Variants in LHFPL3 observed in about 807,000 individuals in gnomAD.
LHFPL3 encodes the protein LHFPL tetraspan subfamily member 3.
Under a neutral mutation model 19.3 loss-of-function variants are expected in LHFPL3, and 5 were observed. That is an observed-to-expected ratio of 0.26 (90% CI 0.14 to 0.54). The LOEUF (loss-of-function observed/expected upper bound fraction) is 0.54, where lower values mean the gene tolerates loss of function less well. LHFPL3 is among the 20% of genes least tolerant of loss of function. LHFPL3 has a pLI of 0.94. For missense variants in LHFPL3, 249 were observed against 307.4 expected, an observed-to-expected ratio of 0.81 and a Z score of 1.42; for synonymous variants, 133 against 126.2, an observed-to-expected ratio of 1.05 and a Z score of -0.36.
At chr7:104,634,896 A>C (rs1262785230) in intron 1 of LHFPL3, among the ~76,000 whole-genome samples, 1 of 152,218 alleles carries the variant, frequency 6.6e-6, no homozygotes, top group Non-Finnish European at 1.5e-5. Context: ...TAAAGTCTCC[A>C]ACATGAAATG....
intron 1 of LHFPL3, among the ~76,000 whole-genome samples, chr7:104,490,919 CCATCATTGGTCTTCTTCATTCCT>C (rs1321404860): frequency 6.6e-6 from 1 of 152,122 alleles, no homozygotes; most frequent in East Asian, 1.9e-4. Context: ...AGAGCCACAG[CCATCATTGGTCTTCTTCATTCCT>C]TTCCCTAAAA....
At chr7:104,616,352 A>T (rs556274012) in intron 1 of LHFPL3, among the ~76,000 whole-genome samples, 1 of 152,304 alleles carries the variant, frequency 6.6e-6, no homozygotes, top group South Asian at 2.1e-4. Context: ...AAACCATCTG[A>T]TCTTTGACAA....
intron 2 of LHFPL3, among the ~76,000 whole-genome samples, chr7:104,785,059 T>C (rs1328646991): frequency 6.6e-6 from 1 of 152,238 alleles, no homozygotes; most frequent in Non-Finnish European, 1.5e-5. Context: ...TGGTAAATTT[T>C]AGGCTATGTG....
chr7:104,506,830 A>T (rs576453055), intron 1 of LHFPL3, among the ~76,000 whole-genome samples: 1 of 152,226 alleles, frequency 6.6e-6, no homozygotes, highest in Non-Finnish European at 1.5e-5. Flanking sequence ...TATGGGAGTA[A>T]CTAGTGATCT....
chr7:104,668,887 G>A (rs1419214263), intron 1 of LHFPL3: 1 of 1,612,160 alleles, frequency 6.2e-7, no homozygotes, highest in Non-Finnish European at 8.5e-7. Flanking sequence ...GGCTACGAAG[G>A]AACAAGAGAA....
intron 2 of LHFPL3, among the ~76,000 whole-genome samples, chr7:104,832,960 G>GTA (rs71748649): frequency 0.26 from 16,592 of 62,648 alleles, 2,507 homozygotes; most frequent in South Asian, 0.45. Flanking sequence ...CTAATAGGAT[G>GTA]TATATATATA....
chr7:104,506,018 ATTT>A, intron 1 of LHFPL3, among the ~76,000 whole-genome samples: 1 of 146,038 alleles, frequency 6.8e-6, no homozygotes, highest in Middle Eastern at 3.7e-3. Flanking sequence ...ATGAAAACTG[ATTT>A]TTTTTTTTTT....
At chr7:104,676,957 C>T (rs1001395118) in intron 1 of LHFPL3, among the ~76,000 whole-genome samples, 1 of 152,122 alleles carries the variant, frequency 6.6e-6, no homozygotes, top group Non-Finnish European at 1.5e-5. Context: ...CAAACATCCA[C>T]GTATGAGGTG....
At chr7:104,392,075 G>A (rs1041825323) in intron 1 of LHFPL3, among the ~76,000 whole-genome samples, 2 of 152,166 alleles carry the variant, frequency 1.3e-5, no homozygotes, top group African/African-American at 2.4e-5. Context: ...TCAGCTTAAG[G>A]AGATTTTGGG....
At chr7:104,797,389 C>A (rs914836697) in intron 2 of LHFPL3, among the ~76,000 whole-genome samples, 2 of 152,094 alleles carry the variant, frequency 1.3e-5, no homozygotes, top group Admixed American at 6.6e-5. Context: ...AGGCTAGAAA[C>A]TTTAATGGCC....
chr7:104,791,505 T>C (rs1392352508), intron 2 of LHFPL3, among the ~76,000 whole-genome samples: 1 of 152,158 alleles, frequency 6.6e-6, no homozygotes, highest in Non-Finnish European at 1.5e-5. Context: ...ATCACTGTAG[T>C]TCAGGGGTCT....
chr7:104,874,694 C>T (rs966038948), intron 2 of LHFPL3, among the ~76,000 whole-genome samples: 1 of 152,030 alleles, frequency 6.6e-6, no homozygotes, highest in Non-Finnish European at 1.5e-5. Context: ...CAGGCATGAG[C>T]CACCGCGCCC....
chr7:104,678,460 T>C (rs1022046690), intron 1 of LHFPL3, among the ~76,000 whole-genome samples: 1 of 152,226 alleles, frequency 6.6e-6, no homozygotes. Flanking sequence ...AAAATCCTCC[T>C]CTTTTCTGGT....
intron 1 of LHFPL3, among the ~76,000 whole-genome samples, chr7:104,401,026 T>G (rs1791303076): frequency 6.6e-6 from 1 of 152,206 alleles, no homozygotes; most frequent in African/African-American, 2.4e-5. Context: ...AATTTTCTTG[T>G]TTGTCAGCTA....
At position 104,331,267 on chromosome 7, in the gene LHFPL3, C is replaced by T. The variant is rs1406369783; in HGVS notation, c.445+2043C>T. On this transcript the variant is annotated intron_variant, in intron 1 of 2. Transcript: ENST00000424859. ...AATGTTGTTCTCAGGCATTTGACAT[C>T]AATGTTTATCCTGTTTTCCACGTCA... 3.3e-5 allele frequency among the ~76,000 whole-genome samples: 5 copies of T among 152,326 alleles called. No homozygotes were observed. The East Asian group carries it at 9.6e-4, about 29-fold the overall frequency.
At chr7:104,858,018 T>C (rs955498506) in intron 2 of LHFPL3, among the ~76,000 whole-genome samples, 15 of 152,194 alleles carry the variant, frequency 9.9e-5, no homozygotes, top group Admixed American at 5.9e-4. Flanking sequence ...CTATGAAGGC[T>C]GAATGCAAAC....
At chr7:104,888,064 C>A (rs1264796062) in intron 2 of LHFPL3, among the ~76,000 whole-genome samples, 4 of 152,192 alleles carry the variant, frequency 2.6e-5, no homozygotes, top group Non-Finnish European at 4.4e-5. Flanking sequence ...CTTCACAGAG[C>A]CACTGTGTCT....
intron 1 of LHFPL3, among the ~76,000 whole-genome samples, chr7:104,675,954 C>T (rs1247106901): frequency 2.6e-5 from 4 of 152,140 alleles, no homozygotes; most frequent in African/African-American, 9.7e-5. Flanking sequence ...AGGAAGCCCT[C>T]AGCATAGGGA....
intron 1 of LHFPL3, among the ~76,000 whole-genome samples, chr7:104,447,190 T>C (rs1303183454): frequency 6.6e-6 from 1 of 152,114 alleles, no homozygotes; most frequent in Non-Finnish European, 1.5e-5. Flanking sequence ...GCTTTCAGCT[T>C]GAGTCTCAGA....
Sources: gnomAD v4.1 joint callset for allele counts (sites outside exome capture counted in the v4.1 genomes callset) on GRCh38, gnomAD v4.1.1 for gene constraint, MANE v1.5 for transcripts, NCBI Gene and HGNC (gene_info 2026-07-23, HGNC 2026-07-21) for gene names.